The following MSH3 variants were observed in gnomAD, a reference collection of about 807,000 sequenced individuals.
MSH3 encodes the protein mutS homolog 3, also known as DNA mismatch repair protein Msh3.
Under a neutral mutation model 123.3 loss-of-function variants are expected in MSH3, and 106 were observed. The observed-to-expected ratio is 0.86, with a 90% CI of 0.73 to 1.01. The LOEUF is 1.01. MSH3 is among the 50% of genes least tolerant of loss of function. The probability of loss-of-function intolerance (pLI) is 0.00; values close to 1 mark genes in which losing one functional copy is unlikely to be tolerated. For synonymous variants in MSH3, 515 were observed against 481.4 expected (o/e 1.07, Z -0.91); for missense variants, 1,459 against 1,347.6 (o/e 1.08, Z -1.29).
chr5:80,741,439 C>A (rs767689608), intron 10 of MSH3, 25 bp from the exon 11 acceptor site: 1 of 1,416,486 alleles, frequency 7.1e-7, no homozygotes, highest in Non-Finnish European at 1.0e-6. Context: ...TACATCTAGG[C>A]TAATTATATT....
intron 8 of MSH3, among the ~76,000 whole-genome samples, chr5:80,724,774 C>T (rs891635107): frequency 1.6e-4 from 24 of 152,200 alleles, no homozygotes; most frequent in Middle Eastern, 6.8e-3. Context: ...AAACAAATAA[C>T]GTAATCAAAT....
intron 18 of MSH3, among the ~76,000 whole-genome samples, chr5:80,788,504 T>A (rs930312317): frequency 4.6e-5 from 7 of 151,586 alleles, no homozygotes; most frequent in African/African-American, 1.7e-4. Context: ...AAAGCTTGAT[T>A]TTATATATAC....
At chr5:80,863,641 A>G (rs1210383568) in intron 21 of MSH3, among the ~76,000 whole-genome samples, 4 of 151,768 alleles carry the variant, frequency 2.6e-5, no homozygotes, top group Non-Finnish European at 5.9e-5. Flanking sequence ...ACTGGGCAAC[A>G]GAGTGACACT....
intron 20 of MSH3, among the ~76,000 whole-genome samples, chr5:80,836,696 C>T (rs1745521591): frequency 6.6e-6 from 1 of 151,456 alleles, no homozygotes; most frequent in African/African-American, 2.4e-5. Context: ...ACATCCTCCT[C>T]GATACTTTAA....
At chr5:80,827,137 G>A (rs1478054843) in intron 20 of MSH3, among the ~76,000 whole-genome samples, 2 of 152,112 alleles carry the variant, frequency 1.3e-5, no homozygotes, top group Non-Finnish European at 1.5e-5. Context: ...TTTTAGAAAA[G>A]CAATGAATTA....
At chr5:80,763,749 C>A (rs750831438) in intron 13 of MSH3, among the ~76,000 whole-genome samples, 20 of 152,216 alleles carry the variant, frequency 1.3e-4, no homozygotes, top group Non-Finnish European at 2.6e-4. Flanking sequence ...TTCTATTCCA[C>A]CTTCCTGCCT....
chr5:80,658,302 G>T (rs1749341889), intron 2 of MSH3, among the ~76,000 whole-genome samples: 2 of 152,154 alleles, frequency 1.3e-5, no homozygotes, highest in South Asian at 2.1e-4. Context: ...CAAGTGATCT[G>T]CCCGCCTTGG....
chr5:80,756,121 C>CT (rs1743921653), intron 12 of MSH3, among the ~76,000 whole-genome samples: 1 of 152,048 alleles, frequency 6.6e-6, no homozygotes, highest in African/African-American at 2.4e-5. Context: ...ACAGACAATT[C>CT]TTTAAGACTG....
At chr5:80,680,422 CA>C (rs146271102) in intron 8 of MSH3, among the ~76,000 whole-genome samples, 2,374 of 143,910 alleles carry the variant, frequency 0.016, 67 homozygotes, top group African/African-American at 0.055. Context: ...ATTCAGAAGA[CA>C]AAAAAAAAAG....
intron 8 of MSH3, among the ~76,000 whole-genome samples, chr5:80,693,608 TATACACACACACATATACACACAC>T (rs1000532894): frequency 2.9e-4 from 39 of 132,680 alleles, no homozygotes; most frequent in African/African-American, 1.0e-3. Context: ...AACATACATA[TATACACACACACATATACACACAC>T]ACACACACAC....
intron 12 of MSH3, among the ~76,000 whole-genome samples, chr5:80,751,032 A>G (rs949171061): frequency 2.6e-5 from 4 of 152,154 alleles, no homozygotes; most frequent in Non-Finnish European, 4.4e-5. Context: ...TGTTTATTTA[A>G]TATGCATGGG....
chr5:80,671,530 G>T (rs1217899875), intron 4 of MSH3, among the ~76,000 whole-genome samples: 1 of 152,208 alleles, frequency 6.6e-6, no homozygotes, highest in African/African-American at 2.4e-5. Context: ...CATCCCCTAG[G>T]CGAAGGAGAG....
At position 80,737,937 on chromosome 5, in the gene MSH3, C is replaced by T. The variant is rs576896106; in HGVS notation, c.1569-3527C>T. On this transcript the variant is annotated intron_variant, in intron 10 of 23. Transcript: ENST00000265081. ...CAGTTTAAAAAAACTCTTAGTGCAT[C>T]TGATTTGAACTTTAGATTACTTGTT... 2.0e-5 allele frequency among the ~76,000 whole-genome samples: 3 copies of T among 152,172 alleles called. No individual in the cohort carries two copies. In the South Asian group the frequency reaches 6.2e-4, roughly 32 times the overall value.
At position 80,654,701 on chromosome 5, in the gene MSH3, C is replaced by A. The variant is rs1335956391; in HGVS notation, c.-27C>A. 5 of 1,576,522 alleles carry A rather than the reference C, an allele frequency of 3.2e-6. No individual in the cohort carries two copies. Among genetic ancestry groups the A allele is most frequent in the Non-Finnish European group, 4.3e-6 (5 of 1,163,794 alleles). The stretch of plus-strand genomic sequence containing the variant: ...GGCTCGCGCTCCTCGCCAGGCCCTG[C>A]CGCCGGGCTGCCATCCTTGCCCTGC... On this transcript the variant is annotated 5_prime_UTR_variant, in exon 1 of 24. Coordinates refer to ENST00000265081, the MANE Select transcript of MSH3 (RefSeq NM_002439.5).
rs139485805 is a variant in MSH3, at chr5:80,792,276, A to G, written c.2544-457A>G. On this transcript the variant is annotated intron_variant, in intron 18 of 23. Coordinates refer to ENST00000265081, the MANE Select transcript of MSH3 (RefSeq NM_002439.5). ...AAGCCCAGCATGGTGACATGCACCT[A>G]TAGTCCCAGCCTCCTCAAGAAGCTG... 8.9e-4 allele frequency among the ~76,000 whole-genome samples: 136 copies of G among 152,208 alleles called. 1 individual carries two copies. The East Asian group carries it at 0.025, about 28-fold the overall frequency.
At chr5:80,730,506 T>C (rs1286962558) in intron 10 of MSH3, among the ~76,000 whole-genome samples, 3 of 152,182 alleles carry the variant, frequency 2.0e-5, no homozygotes, top group African/African-American at 7.2e-5. Flanking sequence ...ATTGTATTAA[T>C]CTATACATTT....
Position 80,783,588 on chromosome 5 carries a change from C to T in MSH3, c.2436-3977C>T, listed in dbSNP as rs191333172. ...TTGTTGTTTTAACTGAAATGGGACC[C>T]ACTAAGAGCTGTGTTAACTCATTTC... On this transcript the variant is annotated intron_variant, in intron 17 of 23. Coordinates refer to ENST00000265081, the MANE Select transcript of MSH3 (RefSeq NM_002439.5). Among the ~76,000 whole-genome samples, 180 of 152,178 alleles carry T rather than the reference C, an allele frequency of 1.2e-3. 1 individual carries two copies. The highest frequency in any genetic ancestry group is 4.2e-3 in the African/African-American group (175 of 41,514).
intron 21 of MSH3, among the ~76,000 whole-genome samples, chr5:80,859,004 A>G (rs1176238834): frequency 2.0e-5 from 3 of 152,100 alleles, no homozygotes; most frequent in African/African-American, 4.8e-5. Context: ...ATCCCTGACA[A>G]ATTTACTTGA....
intron 8 of MSH3, among the ~76,000 whole-genome samples, chr5:80,720,170 C>G (rs1456563139): frequency 6.6e-6 from 1 of 152,112 alleles, no homozygotes; most frequent in Non-Finnish European, 1.5e-5. Context: ...AGTTTGGCAA[C>G]TCTGTTTTTC....
Sources: gnomAD v4.1 joint callset for allele counts (sites outside exome capture counted in the v4.1 genomes callset) on GRCh38, gnomAD v4.1.1 for gene constraint, MANE v1.5 for transcripts, NCBI Gene and HGNC (gene_info 2026-07-23, HGNC 2026-07-21) for gene names.